PTPRM: variants seen among roughly 807,000 people sequenced by gnomAD.
PTPRM encodes protein tyrosine phosphatase receptor type M.
A neutral mutation model predicts 186.7 loss-of-function variants in PTPRM; 47 were observed. That is an observed-to-expected ratio of 0.25 (90% CI 0.20 to 0.32). The LOEUF is 0.32. PTPRM is among the 10% of genes least tolerant of loss of function. The pLI is 1.00. For synonymous variants in PTPRM, 668 were observed against 674.9 expected (o/e 0.99, Z 0.16); for missense variants, 1,494 against 1,865.0 (o/e 0.80, Z 3.66).
chr18:7,904,447 C>T (rs371585291), intron 3 of PTPRM, among the ~76,000 whole-genome samples: 4 of 152,308 alleles, frequency 2.6e-5, no homozygotes, highest in African/African-American at 9.6e-5. Flanking sequence ...CTACCCCTGG[C>T]AACCACTAAT....
intron 22 of PTPRM, among the ~76,000 whole-genome samples, chr18:8,330,713 G>A (rs1321729983): frequency 1.3e-5 from 2 of 149,588 alleles, no homozygotes; most frequent in African/African-American, 2.5e-5. Context: ...TACAGCATGC[G>A]CAAGTACCCA....
At chr18:7,779,259 C>T (rs747440360) in intron 2 of PTPRM, among the ~76,000 whole-genome samples, 2 of 152,194 alleles carry the variant, frequency 1.3e-5, no homozygotes, top group Non-Finnish European at 2.9e-5. Flanking sequence ...AAACATAATT[C>T]TCTTAGTATT....
intron 19 of PTPRM, among the ~76,000 whole-genome samples, chr18:8,278,371 A>G (rs1018473410): frequency 6.6e-6 from 1 of 152,208 alleles, no homozygotes; most frequent in African/African-American, 2.4e-5. Context: ...GCTGAAATGT[A>G]CATAAATCTT....
intron 4 of PTPRM, among the ~76,000 whole-genome samples, chr18:7,912,550 T>G (rs1266096526): frequency 1.3e-5 from 2 of 152,058 alleles, no homozygotes; most frequent in Non-Finnish European, 2.9e-5. Flanking sequence ...CTCACTCTGT[T>G]GCCCAGGCTG....
intron 32 of PTPRM, among the ~76,000 whole-genome samples, chr18:8,398,064 C>G (rs1177669293): frequency 6.6e-6 from 1 of 152,208 alleles, no homozygotes; most frequent in Admixed American, 6.5e-5. Context: ...CCTCAAACCC[C>G]TGGGCTCAAG....
chr18:8,219,466 C>CA (rs75422489), intron 14 of PTPRM, among the ~76,000 whole-genome samples: 134 of 144,030 alleles, frequency 9.3e-4, no homozygotes, highest in African/African-American at 1.8e-3. Context: ...GAGTCCATCT[C>CA]AAAAAAAAAA....
intron 4 of PTPRM, among the ~76,000 whole-genome samples, chr18:7,910,925 C>G (rs2050231487): frequency 6.6e-6 from 1 of 152,134 alleles, no homozygotes; most frequent in Non-Finnish European, 1.5e-5. Flanking sequence ...ACCCTATTCT[C>G]CCGACTTACT....
intron 17 of PTPRM, among the ~76,000 whole-genome samples, chr18:8,248,582 A>C (rs1298483784): frequency 6.6e-6 from 1 of 152,178 alleles, no homozygotes; most frequent in Non-Finnish European, 1.5e-5. Flanking sequence ...CATTATTTTC[A>C]CTTATTGCTA....
At chr18:8,045,622 T>A (rs2086993572) in intron 7 of PTPRM, among the ~76,000 whole-genome samples, 2 of 152,134 alleles carry the variant, frequency 1.3e-5, no homozygotes, top group Non-Finnish European at 2.9e-5. Flanking sequence ...TAGGAAAATC[T>A]GTAGAGGTGG....
chr18:7,672,449 G>T (rs2039239295), intron 1 of PTPRM, among the ~76,000 whole-genome samples: 2 of 152,070 alleles, frequency 1.3e-5, no homozygotes, highest in Admixed American at 6.5e-5. Flanking sequence ...TTAAGACATG[G>T]TTTTACTCAA....
At chr18:8,105,840 A>C (rs571719274) in intron 11 of PTPRM, among the ~76,000 whole-genome samples, 1 of 152,356 alleles carries the variant, frequency 6.6e-6, no homozygotes, top group Non-Finnish European at 1.5e-5. Flanking sequence ...TTTTGATATA[A>C]CTTTAAGGAT....
At chr18:7,661,827 G>C (rs886154019) in intron 1 of PTPRM, among the ~76,000 whole-genome samples, 1 of 152,198 alleles carries the variant, frequency 6.6e-6, no homozygotes, top group Non-Finnish European at 1.5e-5. Context: ...GTGGGATCAT[G>C]GGGTGAAGAC....
chr18:7,664,245 C>T, intron 1 of PTPRM, among the ~76,000 whole-genome samples: 1 of 152,194 alleles, frequency 6.6e-6, no homozygotes, highest in Non-Finnish European at 1.5e-5. Flanking sequence ...AGGGTGGGGC[C>T]AGGGCGCCAA....
intron 2 of PTPRM, among the ~76,000 whole-genome samples, chr18:7,881,180 A>G (rs755997271): frequency 3.2e-4 from 48 of 152,202 alleles, no homozygotes; most frequent in Admixed American, 1.7e-3. Context: ...TCACATCTGT[A>G]ATCACAGCAC....
At chr18:8,155,892 G>A (rs2093111298) in intron 14 of PTPRM, among the ~76,000 whole-genome samples, 1 of 151,694 alleles carries the variant, frequency 6.6e-6, no homozygotes, top group African/African-American at 2.4e-5. Flanking sequence ...CCTTTCCTGA[G>A]ACTACACTGA....
intron 2 of PTPRM, among the ~76,000 whole-genome samples, chr18:7,856,180 G>T (rs1405988302): frequency 6.6e-6 from 1 of 151,746 alleles, no homozygotes; most frequent in Non-Finnish European, 1.5e-5. Flanking sequence ...GAATGGAAGA[G>T]GCTTCTGAAG....
At chr18:8,332,680 T>C (rs1413715385) in intron 22 of PTPRM, among the ~76,000 whole-genome samples, 1 of 152,028 alleles carries the variant, frequency 6.6e-6, no homozygotes, top group African/African-American at 2.4e-5. Context: ...TTAGAAGAAA[T>C]TGGGCAAACA....
chr18:7,637,324 G>A (rs1276612227), intron 1 of PTPRM, among the ~76,000 whole-genome samples: 1 of 151,992 alleles, frequency 6.6e-6, no homozygotes, highest in East Asian at 1.9e-4. Context: ...TTCTTATACT[G>A]TTTTATTTCT....
At chr18:7,960,246 T>A (rs1436956909) in intron 7 of PTPRM, among the ~76,000 whole-genome samples, 1 of 152,080 alleles carries the variant, frequency 6.6e-6, no homozygotes, top group Non-Finnish European at 1.5e-5. Context: ...AAGCAAAGCT[T>A]AATTAAAATG....
Sources: allele counts gnomAD v4.1 joint callset (sites outside exome capture counted in the v4.1 genomes callset), GRCh38; gene constraint gnomAD v4.1.1; transcripts MANE v1.5; gene names NCBI Gene and HGNC (gene_info 2026-07-23, HGNC 2026-07-21).